The following SLC25A30 variants were observed in gnomAD, a reference collection of about 807,000 sequenced individuals.
SLC25A30 encodes kidney mitochondrial carrier protein 1.
Under a neutral mutation model 42.7 loss-of-function variants are expected in SLC25A30, and 29 were observed. That is an observed-to-expected ratio of 0.68 (90% CI 0.51 to 0.93). SLC25A30 has a LOEUF of 0.93. Among genes scored for constraint, SLC25A30 ranks in the 40% least tolerant of loss-of-function variants. The pLI is 0.00. For synonymous variants in SLC25A30, 124 were observed against 131.0 expected, an observed-to-expected ratio of 0.95 and a Z score of 0.37; for missense variants, 300 against 359.7, an observed-to-expected ratio of 0.83 and a Z score of 1.34.
chr13:45,400,846 T>C (rs886607515), intron 7 of SLC25A30, among the ~76,000 whole-genome samples: 3 of 152,166 alleles, frequency 2.0e-5, no homozygotes, highest in Non-Finnish European at 4.4e-5. Context: ...CATGATCTTA[T>C]TTGTGTAATA....
the SLC25A30 span, among the ~76,000 whole-genome samples, chr13:45,430,670 A>T: frequency 6.6e-6 from 1 of 151,964 alleles, no homozygotes; most frequent in East Asian, 1.9e-4. Flanking sequence ...TTAGCCAGAC[A>T]TGGTGGTGTG....
intron 1 of SLC25A30, among the ~76,000 whole-genome samples, chr13:45,417,228 C>G (rs1883611006): frequency 6.6e-6 from 1 of 152,164 alleles, no homozygotes; most frequent in South Asian, 2.1e-4. Flanking sequence ...CCAGGCTGGT[C>G]TCGAACTCCT....
In SLC25A30 at chr13:45,393,570, G is replaced by C. The variant is rs1392918845; in HGVS notation, c.*2404C>G. On this transcript the variant is annotated 3_prime_UTR_variant, in exon 10 of 10. Coordinates refer to ENST00000519676, the MANE Select transcript of SLC25A30 (RefSeq NM_001010875.4). ...AGCACACAAACAAAAAAACCCATTG[G>C]TTATAAAAACTAGAATTCCTTTTGG... The C allele has an allele frequency of 2.0e-6, 2 of 985,206 alleles. No homozygotes were observed. The highest frequency in any genetic ancestry group is 2.4e-6 in the Non-Finnish European group (2 of 829,914). The allele number at this position is 985,206 out of a possible 1,614,324, so 61.0% of individuals were successfully genotyped here.
In SLC25A30 at chr13:45,405,962, C is replaced by G. The variant is rs1882462939; in HGVS notation, c.228G>C (p.Met76Ile). The stretch of plus-strand genomic sequence containing the variant: ...TGGTGCCATAGGATGCCTGGCGTAA[C>G]ATCGCGGGGGCAATCCTGTTAAACC... ...KALYSGIAPA[M>I]LRQASYGTIK... The change falls in exon 4 of 10, where the codon ATG (methionine) becomes ATC (isoleucine). Residue 76 changes from methionine (M) to isoleucine (I), a missense_variant. Transcript: ENST00000519676. The G allele has an allele frequency of 6.2e-7, 1 of 1,614,188 alleles. No individual in the cohort carries two copies. Among genetic ancestry groups the G allele is most frequent in the African/African-American group, 1.3e-5 (1 of 75,060 alleles).
intron 1 of SLC25A30, among the ~76,000 whole-genome samples, chr13:45,416,173 C>T (rs1166817730): frequency 6.6e-6 from 1 of 150,788 alleles, no homozygotes; most frequent in African/African-American, 2.4e-5. Context: ...TTTGGGAGGC[C>T]GAGGCGGGTG....
intron 2 of SLC25A30, among the ~76,000 whole-genome samples, chr13:45,410,532 C>T (rs1485912181): frequency 1.5e-5 from 2 of 132,806 alleles, no homozygotes; most frequent in African/African-American, 2.8e-5. Context: ...CGGGCGTGGT[C>T]GTGCACATCT....
chr13:45,398,082 C>T (rs1398909346), intron 8 of SLC25A30: 5 of 984,828 alleles, frequency 5.1e-6, no homozygotes, highest in African/African-American at 3.5e-5. Flanking sequence ...ATAAAATGTG[C>T]TAGTGTCATG....
chr13:45,427,137 T>C, the SLC25A30 span, among the ~76,000 whole-genome samples: 2 of 152,058 alleles, frequency 1.3e-5, no homozygotes. Context: ...GGAGCTATAC[T>C]AGGCTGGGTC....
Position 45,416,414 on chromosome 13 carries a change from AATAAATAAATAT to A in SLC25A30, c.-56+1874_-56+1885del, listed in dbSNP as rs966383319. On this transcript the variant is annotated intron_variant, in intron 1 of 9. Transcript: ENST00000519676. ...CAAAAGCAAAACTCCATCTCAAATA[AATAAATAAATAT>A]ATAAATAAATACAAAAAAAAGTGAA... Among the ~76,000 whole-genome samples the A allele has an allele frequency of 1.3e-3, 191 of 152,038 alleles. 2 individuals are homozygous for A. The South Asian group carries it at 0.022, about 17-fold the overall frequency.
At chr13:45,408,167 C>A (rs955682997) in intron 3 of SLC25A30, among the ~76,000 whole-genome samples, 1 of 152,130 alleles carries the variant, frequency 6.6e-6, no homozygotes, top group Non-Finnish European at 1.5e-5. Flanking sequence ...CAGGCTGGGT[C>A]GAACTGCACA....
Position 45,410,459 on chromosome 13 carries a change from G to A in SLC25A30, c.64+903C>T, listed in dbSNP as rs548280137. On this transcript the variant is annotated intron_variant, in intron 2 of 9. Coordinates refer to ENST00000519676, the MANE Select transcript of SLC25A30 (RefSeq NM_001010875.4). Reference sequence around the variant, plus strand: ...AGGGAGGTGGATCTCTTGAGCTTGGGAGTCGAGACCAGCCTGGGCAACATG... The same window carrying A: ...AGGGAGGTGGATCTCTTGAGCTTGGAAGTCGAGACCAGCCTGGGCAACATG... 1.3e-3 allele frequency among the ~76,000 whole-genome samples: 202 copies of A among 152,284 alleles called. 1 individual carries two copies. The highest frequency in any genetic ancestry group is 4.7e-3 in the African/African-American group (194 of 41,566).
intron 1 of SLC25A30, among the ~76,000 whole-genome samples, chr13:45,412,865 A>G (rs1338147501): frequency 6.6e-6 from 1 of 152,230 alleles, no homozygotes; most frequent in Non-Finnish European, 1.5e-5. Context: ...CAGGAGACTC[A>G]TATGACTAAT....
chr13:45,409,301 A>G (rs1235308938), intron 2 of SLC25A30, among the ~76,000 whole-genome samples: 1 of 152,186 alleles, frequency 6.6e-6, no homozygotes, highest in African/African-American at 2.4e-5. Context: ...CTTTTTATTT[A>G]TACCTCATCT....
At chr13:45,425,155 G>C in the SLC25A30 span, among the ~76,000 whole-genome samples, 8,652 of 44,562 alleles carry the variant, frequency 0.19, 1,737 homozygotes, top group Non-Finnish European at 0.29. Context: ...TAAATATATT[G>C]ATAAATATAT....
At chr13:45,407,758 G>T (rs1190859371) in intron 3 of SLC25A30, among the ~76,000 whole-genome samples, 1 of 152,074 alleles carries the variant, frequency 6.6e-6, no homozygotes, top group Non-Finnish European at 1.5e-5. Context: ...CCTAAACCAG[G>T]ACATGGAAGC....
upstream of SLC25A30, among the ~76,000 whole-genome samples, chr13:45,423,292 T>G (rs1460207895): frequency 6.6e-6 from 1 of 151,764 alleles, no homozygotes; most frequent in East Asian, 1.9e-4. Flanking sequence ...TTAGATGTGT[T>G]CCACTAGACA....
At chr13:45,413,601 C>T (rs1203064376) in intron 1 of SLC25A30, among the ~76,000 whole-genome samples, 3 of 151,146 alleles carry the variant, frequency 2.0e-5, no homozygotes, top group Non-Finnish European at 4.4e-5. Flanking sequence ...GTCCCCCAGG[C>T]TGGAATGCAA....
chr13:45,433,308 A>G, the SLC25A30 span, among the ~76,000 whole-genome samples: 1 of 152,188 alleles, frequency 6.6e-6, no homozygotes, highest in East Asian at 1.9e-4. Context: ...AGGTTCAAGT[A>G]TAAAGGGTAC....
At chr13:45,424,560 T>C in the SLC25A30 span, among the ~76,000 whole-genome samples, 2 of 52,696 alleles carry the variant, frequency 3.8e-5, no homozygotes, top group Non-Finnish European at 7.8e-5. Flanking sequence ...TAAATATATA[T>C]AAATGTATAA....
Sources: gnomAD v4.1 joint callset for allele counts (sites outside exome capture counted in the v4.1 genomes callset) on GRCh38, gnomAD v4.1.1 for gene constraint, MANE v1.5 for transcripts, NCBI Gene and HGNC (gene_info 2026-07-23, HGNC 2026-07-21) for gene names.